Variants in RWDD3 observed in about 807,000 individuals in gnomAD.
RWDD3 encodes the protein RWD domain-containing protein 3.
In RWDD3, 30 loss-of-function variants were observed where a neutral mutation model predicts 26.5. The observed-to-expected ratio is 1.13, with a 90% CI of 0.85 to 1.54. The LOEUF (loss-of-function observed/expected upper bound fraction) is 1.54, where lower values mean the gene tolerates loss of function less well. Among genes scored for constraint, RWDD3 ranks in the 40% most tolerant of loss-of-function variants. The pLI is 0.00. For synonymous variants in RWDD3, 113 were observed against 114.5 expected, an observed-to-expected ratio of 0.99 and a Z score of 0.09; for missense variants, 296 against 309.1, an observed-to-expected ratio of 0.96 and a Z score of 0.32.
intron 1 of RWDD3, among the ~76,000 whole-genome samples, chr1:95,235,277 C>T (rs1557717453): frequency 6.7e-6 from 1 of 148,510 alleles, no homozygotes; most frequent in Non-Finnish European, 1.5e-5. Context: ...TGGTCTCGAT[C>T]TCCGGACCTC....
At chr1:95,241,342 C>T (rs1344487887) in intron 1 of RWDD3, among the ~76,000 whole-genome samples, 1 of 152,038 alleles carries the variant, frequency 6.6e-6, no homozygotes, top group Non-Finnish European at 1.5e-5. Context: ...ATTGATTCTC[C>T]TTGTCCCCCA....
chr1:95,244,502 A>T lies in RWDD3; in HGVS notation c.377A>T (p.Lys126Met), dbSNP rs1331534979. The T allele has an allele frequency of 1.9e-6, 3 of 1,614,186 alleles. No individual in the cohort carries two copies. Among genetic ancestry groups the T allele is most frequent in the East Asian group, 2.2e-5 (1 of 44,876 alleles). ...SQPETGSGSEKCTFSTSTTMD... is the reference protein window; with the variant it reads ...SQPETGSGSEMCTFSTSTTMD... ...CCAGAAACTGGCAGTGGCAGTGAAA[A>T]GTGTACTTTTTCAACAAGCACGACC... The change falls in exon 2 of 4, where the codon AAG (lysine) becomes ATG (methionine). Residue 126 changes from lysine (K) to methionine (M), a missense_variant. Physicochemically the swap from Lys to Met is moderately conservative, Grantham distance 95 (BLOSUM62 -1). Coordinates refer to ENST00000370202, the MANE Select transcript of RWDD3 (RefSeq NM_015485.5).
Position 95,244,413 on chromosome 1 carries a change from G to A in RWDD3, c.288G>A (p.Ser96=), listed in dbSNP as rs761035710. Residue 96 remains serine, a synonymous_variant, in exon 2 of 4, where the codon TCG becomes TCA. Coordinates refer to ENST00000370202, the MANE Select transcript of RWDD3 (RefSeq NM_015485.5). ...TTGAGCAAGCAGAGAGCCTTTTGTC[G>A]GAGCCTATGGTTCATGAGCTGGTTC... ...NLLEQAESLL[S]EPMVHELVLW... is the part of the protein sequence containing the mutation. 26 of 1,614,048 alleles carry A rather than the reference G, an allele frequency of 1.6e-5. No individual in the cohort carries two copies. The highest frequency in any genetic ancestry group is 6.7e-5 in the African/African-American group (5 of 74,920).
chr1:95,243,773 TTCTCATAAAATG>T (rs1297429402), intron 1 of RWDD3, among the ~76,000 whole-genome samples: 1 of 152,246 alleles, frequency 6.6e-6, no homozygotes, highest in Non-Finnish European at 1.5e-5. Flanking sequence ...TGACTTGGAC[TTCTCATAAAATG>T]ACTTTCGTTG....
intron 1 of RWDD3, among the ~76,000 whole-genome samples, chr1:95,237,124 G>A (rs893259344): frequency 1.3e-5 from 2 of 151,434 alleles, no homozygotes; most frequent in African/African-American, 4.9e-5. Flanking sequence ...GATGTTTGAT[G>A]TTCACAAGTG....
rs559020716 is a variant in RWDD3, at chr1:95,235,749, A to G, written c.85+1434A>G. On this transcript the variant is annotated intron_variant, in intron 1 of 3. Transcript: ENST00000370202. ...ATCCCTGCTGCCTACAGACTTTGTCAGGGTTTCAGAGACACCGCTACCCAT... is the reference window on the plus strand; with the variant it reads ...ATCCCTGCTGCCTACAGACTTTGTCGGGGTTTCAGAGACACCGCTACCCAT... 2.6e-5 allele frequency among the ~76,000 whole-genome samples: 4 copies of G among 152,162 alleles called. No individual in the cohort carries two copies. The South Asian group carries it at 8.3e-4, about 32-fold the overall frequency.
intron 1 of RWDD3, among the ~76,000 whole-genome samples, chr1:95,235,802 G>A (rs572341682): frequency 2.0e-5 from 3 of 152,112 alleles, no homozygotes; most frequent in African/African-American, 7.2e-5. Context: ...AGTGTAGAGA[G>A]GTTCTTTTGA....
intron 1 of RWDD3, among the ~76,000 whole-genome samples, chr1:95,241,869 C>A (rs1016950693): frequency 1.3e-5 from 2 of 152,294 alleles, no homozygotes; most frequent in East Asian, 1.9e-4. Context: ...CTCCCCACCC[C>A]CCCCAGGGGA....
intron 1 of RWDD3, chr1:95,243,641 C>G (rs114088373): frequency 2.0e-5 from 3 of 152,480 alleles, no homozygotes; most frequent in Admixed American, 1.3e-4. Context: ...TTGCCACCTT[C>G]ATATTATACT....
chr1:95,241,931 G>A (rs924763502), intron 1 of RWDD3, among the ~76,000 whole-genome samples: 5 of 152,042 alleles, frequency 3.3e-5, no homozygotes, highest in African/African-American at 9.7e-5. Context: ...GACCACATGA[G>A]TAAACAAGCT....
At position 95,246,774 on chromosome 1, in the gene RWDD3, CAAAGAG is replaced by C; in HGVS notation, c.709_714del (p.Lys237_Glu238del). The C allele has an allele frequency of 6.4e-7, 1 of 1,561,728 alleles. No individual in the cohort carries two copies. The highest frequency in any genetic ancestry group is 1.4e-5 in the African/African-American group (1 of 72,352). On this transcript the variant is annotated inframe_deletion, in exon 4 of 4. Coordinates refer to ENST00000370202, the MANE Select transcript of RWDD3 (RefSeq NM_015485.5). ...AATGCAGGTTTCTGGCATTTGAAGT[CAAAGAG>C]TATTCAGCGTTGGATGAATTACAAA...
intron 1 of RWDD3, among the ~76,000 whole-genome samples, chr1:95,234,868 A>G (rs1301834269): frequency 6.6e-6 from 1 of 150,936 alleles, no homozygotes; most frequent in African/African-American, 2.4e-5. Flanking sequence ...CTTTATCTGC[A>G]TTCTATTTCC....
chr1:95,241,823 G>GTAAA (rs1175241397), intron 1 of RWDD3, among the ~76,000 whole-genome samples: 1 of 152,176 alleles, frequency 6.6e-6, no homozygotes, highest in African/African-American at 2.4e-5. Context: ...AGGGTCATGA[G>GTAAA]TAAACACCAC....
At chr1:95,240,510 C>CAGAA (rs1680570496) in intron 1 of RWDD3, among the ~76,000 whole-genome samples, 2 of 152,176 alleles carry the variant, frequency 1.3e-5, no homozygotes, top group Middle Eastern at 3.4e-3. Context: ...TTTTAGTAGA[C>CAGAA]AGAAAGTTAA....
chr1:95,238,739 T>A (rs1294430191), intron 1 of RWDD3, among the ~76,000 whole-genome samples: 1 of 152,204 alleles, frequency 6.6e-6, no homozygotes, highest in Non-Finnish European at 1.5e-5. Flanking sequence ...TTTAAAAATG[T>A]CTTCTGTTAT....
chr1:95,236,815 A>G (rs938366565), intron 1 of RWDD3, among the ~76,000 whole-genome samples: 2 of 152,176 alleles, frequency 1.3e-5, no homozygotes, highest in Non-Finnish European at 2.9e-5. Flanking sequence ...ATTTCCCATC[A>G]CACCTTAAAG....
chr1:95,242,484 A>C (rs1159401435), intron 1 of RWDD3, among the ~76,000 whole-genome samples: 3 of 152,190 alleles, frequency 2.0e-5, no homozygotes, highest in Non-Finnish European at 2.9e-5. Context: ...TCAACTCCCT[A>C]GATGATTATT....
intron 1 of RWDD3, among the ~76,000 whole-genome samples, chr1:95,241,738 TCTG>T (rs777635590): frequency 6.6e-5 from 10 of 152,326 alleles, no homozygotes; most frequent in Non-Finnish European, 1.5e-4. Context: ...CTAAAGGGGT[TCTG>T]CTCCTGAATC....
intron 2 of RWDD3, among the ~76,000 whole-genome samples, chr1:95,245,560 A>C (rs1680819924): frequency 6.6e-6 from 1 of 152,184 alleles, no homozygotes. Flanking sequence ...CTCTTACCAC[A>C]AAACTGCTTT....
Sources: gnomAD v4.1 joint callset for allele counts (sites outside exome capture counted in the v4.1 genomes callset) on GRCh38, gnomAD v4.1.1 for gene constraint, MANE v1.5 for transcripts, NCBI Gene and HGNC (gene_info 2026-07-23, HGNC 2026-07-21) for gene names.